The following SUMF1 variants were observed in gnomAD, a reference collection of about 807,000 sequenced individuals.
SUMF1 encodes the protein sulfatase modifying factor 1, also known as formylglycine-generating enzyme.
In SUMF1, 48 loss-of-function variants were observed where a neutral mutation model predicts 47.6. The observed-to-expected ratio is 1.01, with a 90% CI of 0.80 to 1.28. SUMF1 has a LOEUF of 1.28. SUMF1 is among the 50% of genes most tolerant of loss of function. The pLI, the probability that SUMF1 is intolerant of heterozygous loss-of-function variation, is 0.00. For synonymous variants in SUMF1, 230 were observed against 192.1 expected, an observed-to-expected ratio of 1.20 and a Z score of -1.63; for missense variants, 571 against 485.4, an observed-to-expected ratio of 1.18 and a Z score of -1.66.
At chr3:4,050,834 C>G (rs1230031990) in intron 9 of SUMF1, among the ~76,000 whole-genome samples, 1 of 150,862 alleles carries the variant, frequency 6.6e-6, no homozygotes, top group Non-Finnish European at 1.5e-5. Context: ...AAGCACCCAT[C>G]ATAGGGCCTG....
intron 8 of SUMF1, among the ~76,000 whole-genome samples, chr3:4,100,905 C>T (rs1693016425): frequency 1.3e-5 from 2 of 151,906 alleles, no homozygotes; most frequent in Admixed American, 6.6e-5. Context: ...ATAAAAAATA[C>T]TCAATATCTC....
At chr3:4,184,181 T>G (rs1245091287) in intron 8 of SUMF1, among the ~76,000 whole-genome samples, 1 of 148,174 alleles carries the variant, frequency 6.7e-6, no homozygotes, top group Admixed American at 6.7e-5. Context: ...AGAGCCCAAG[T>G]GTGGTGGCTC....
chr3:4,056,009 T>G lies in SUMF1; in HGVS notation c.1191+12560A>C, dbSNP rs180675611. Among the ~76,000 whole-genome samples the G allele has an allele frequency of 6.7e-4, 102 of 152,268 alleles. 1 individual carries two copies. Among genetic ancestry groups the G allele is most frequent in the Admixed American group, 1.2e-3 (18 of 15,288 alleles). ...TGCTGCCATCTCTCTGATTCTGTCT[T>G]CCAATTCCCTGTTCCACTTTTAAAG... On this transcript the variant is annotated intron_variant and NMD_transcript_variant, in intron 9 of 12. Transcript: ENST00000448413.
At chr3:4,277,426 C>G (rs1265242451) in intron 8 of SUMF1, among the ~76,000 whole-genome samples, 1 of 151,778 alleles carries the variant, frequency 6.6e-6, no homozygotes, top group African/African-American at 2.4e-5. Context: ...GAAAGATTAC[C>G]CAGGACAGTA....
At chr3:4,236,261 G>C (rs2124989716) in intron 8 of SUMF1, among the ~76,000 whole-genome samples, 1 of 152,154 alleles carries the variant, frequency 6.6e-6, no homozygotes, top group East Asian at 1.9e-4. Flanking sequence ...AAATTGGCAA[G>C]GGATAATAAA....
chr3:4,057,955 G>C (rs1383436821), intron 9 of SUMF1, among the ~76,000 whole-genome samples: 2 of 152,200 alleles, frequency 1.3e-5, no homozygotes, highest in African/African-American at 4.8e-5. Context: ...AAGGTGTTGA[G>C]AAAGTGGCAG....
At chr3:4,430,944 TTAAA>T (rs1702214133) in intron 3 of SUMF1, among the ~76,000 whole-genome samples, 1 of 152,124 alleles carries the variant, frequency 6.6e-6, no homozygotes, top group Admixed American at 6.5e-5. Flanking sequence ...ACATTTTTTG[TTAAA>T]TAAAATGTAC....
chr3:4,313,905 T>C, intron 8 of SUMF1: 1 of 1,396,890 alleles, frequency 7.2e-7, no homozygotes, highest in Non-Finnish European at 9.5e-7. Flanking sequence ...CTTTCCCCTT[T>C]CTGTAATAGA....
At chr3:4,047,031 C>T (rs1174714320) in intron 9 of SUMF1, among the ~76,000 whole-genome samples, 1 of 151,006 alleles carries the variant, frequency 6.6e-6, no homozygotes, top group Non-Finnish European at 1.5e-5. Flanking sequence ...AAACTTCAAA[C>T]ACACCAAACG....
intron 8 of SUMF1, among the ~76,000 whole-genome samples, chr3:4,183,132 A>G (rs145758373): frequency 6.6e-6 from 1 of 152,330 alleles, no homozygotes; most frequent in Non-Finnish European, 1.5e-5. Flanking sequence ...TATTGAGCTT[A>G]CATCTAAGAA....
chr3:4,246,763 T>G (rs1234865874), intron 8 of SUMF1, among the ~76,000 whole-genome samples: 1 of 152,152 alleles, frequency 6.6e-6, no homozygotes, highest in African/African-American at 2.4e-5. Context: ...GAGAAGTGGT[T>G]GAGTTAGCAG....
chr3:4,222,170 GA>G (rs1331966113), intron 8 of SUMF1, among the ~76,000 whole-genome samples: 1 of 151,960 alleles, frequency 6.6e-6, no homozygotes, highest in Non-Finnish European at 1.5e-5. Context: ...TCTTTGGTGG[GA>G]TAATACTCCA....
intron 8 of SUMF1, among the ~76,000 whole-genome samples, chr3:4,271,465 CTATAGA>C (rs1407140587): frequency 1.5e-5 from 2 of 135,886 alleles, no homozygotes; most frequent in Non-Finnish European, 3.2e-5. Flanking sequence ...TTTATACTAT[CTATAGA>C]TAGATAGATA....
chr3:4,352,959 C>T (rs1272574183), intron 8 of SUMF1, among the ~76,000 whole-genome samples: 1 of 152,226 alleles, frequency 6.6e-6, no homozygotes, highest in African/African-American at 2.4e-5. Flanking sequence ...TCTCCCAAGA[C>T]AGATTCAGTC....
intron 6 of SUMF1, among the ~76,000 whole-genome samples, chr3:4,413,885 A>G (rs1701623880): frequency 6.6e-6 from 1 of 151,972 alleles, no homozygotes; most frequent in African/African-American, 2.4e-5. Flanking sequence ...TTTTTTTAAG[A>G]TAGAGTCTCA....
chr3:4,303,569 C>G (rs1698041651), intron 8 of SUMF1: 2 of 1,339,664 alleles, frequency 1.5e-6, no homozygotes, highest in East Asian at 3.2e-5. Context: ...GCGCGCGGCT[C>G]CCCCACGTGG....
At position 4,050,778 on chromosome 3, in the gene SUMF1, GAAAAGA is replaced by G. The variant is rs1167060855; in HGVS notation, c.1191+17785_1191+17790del. ...AAAAAAAAAAAAAAGAAAGAAAAAA[GAAAAGA>G]AAAAGAAAAAGAAAAAGAAAAATGT... On this transcript the variant is annotated intron_variant and NMD_transcript_variant, in intron 9 of 12. Coordinates refer to the SUMF1 transcript ENST00000448413. Among the ~76,000 whole-genome samples, 111 of 145,004 alleles carry G rather than the reference GAAAAGA, an allele frequency of 7.7e-4. 3 individuals carry two copies. Among genetic ancestry groups the G allele is most frequent in the African/African-American group, 1.6e-3 (63 of 39,288 alleles).
At chr3:4,102,201 T>A (rs975257305) in intron 8 of SUMF1, among the ~76,000 whole-genome samples, 5 of 152,178 alleles carry the variant, frequency 3.3e-5, no homozygotes, top group African/African-American at 9.7e-5. Context: ...ATTTCTGGAA[T>A]ATTCTTGCTA....
intron 7 of SUMF1, among the ~76,000 whole-genome samples, chr3:4,406,376 C>T (rs779080872): frequency 3.9e-5 from 6 of 152,264 alleles, no homozygotes; most frequent in South Asian, 4.1e-4. Context: ...TTCCTGACAG[C>T]CAAGTGTGAT....
Sources: allele counts gnomAD v4.1 joint callset (sites outside exome capture counted in the v4.1 genomes callset), GRCh38; gene constraint gnomAD v4.1.1; transcripts MANE v1.5; gene names NCBI Gene and HGNC (gene_info 2026-07-23, HGNC 2026-07-21).